The following KLF17 variants were observed in gnomAD, a reference collection of about 807,000 sequenced individuals.
KLF17 encodes KLF transcription factor 17, also known as Krueppel-like factor 17.
In KLF17, 31 loss-of-function variants were observed where a neutral mutation model predicts 34.2. The observed-to-expected ratio is 0.91, with a 90% CI of 0.68 to 1.22. KLF17 has a LOEUF of 1.22. KLF17 is among the 50% of genes most tolerant of loss of function. KLF17 has a pLI of 0.00. For synonymous variants in KLF17, 179 were observed against 186.7 expected (o/e 0.96, Z 0.34); for missense variants, 478 against 505.2 (o/e 0.95, Z 0.52).
chr1:44,047,848 A>G, the KLF17 span: 4 of 152,146 alleles, frequency 2.6e-5, no homozygotes, highest in South Asian at 8.3e-4. Context: ...TTGGCATTAG[A>G]AGTAGGATTG....
At chr1:44,127,138 G>A (rs925474320) in intron 1 of KLF17, among the ~76,000 whole-genome samples, 3 of 150,498 alleles carry the variant, frequency 2.0e-5, no homozygotes, top group South Asian at 2.1e-4. Context: ...TGAACTCCTG[G>A]ACTCAAGAGA....
the KLF17 span, among the ~76,000 whole-genome samples, chr1:44,050,341 T>G: frequency 9.9e-5 from 15 of 152,240 alleles, no homozygotes; most frequent in African/African-American, 3.6e-4. Flanking sequence ...CAAAAGCACC[T>G]CTCCAAAAGA....
the KLF17 span, chr1:44,104,693 G>T: frequency 2.5e-6 from 1 of 402,396 alleles, no homozygotes; most frequent in Non-Finnish European, 4.6e-6. Context: ...GGGCCCACTC[G>T]TATAGGAGCG....
At chr1:44,119,283 C>T (rs1441947271) in intron 1 of KLF17, among the ~76,000 whole-genome samples, 1 of 151,744 alleles carries the variant, frequency 6.6e-6, no homozygotes, top group East Asian at 1.9e-4. Flanking sequence ...CAATGTTCGC[C>T]CAGCAGTAGA....
chr1:44,054,326 GC>G, the KLF17 span, among the ~76,000 whole-genome samples: 2 of 152,026 alleles, frequency 1.3e-5, no homozygotes, highest in East Asian at 3.9e-4. Flanking sequence ...CAAAAAGTTG[GC>G]CAAAAAATCA....
intron 1 of KLF17, among the ~76,000 whole-genome samples, chr1:44,121,303 C>T (rs111921444): frequency 0.01 from 1,590 of 152,072 alleles, 10 homozygotes; most frequent in Non-Finnish European, 0.014. Flanking sequence ...ATTTTAGTAG[C>T]GGGATTTTGC....
chr1:44,098,741 C>G, the KLF17 span, among the ~76,000 whole-genome samples: 8 of 151,624 alleles, frequency 5.3e-5, no homozygotes, highest in African/African-American at 2.4e-5. Flanking sequence ...TAGTAGAGAC[C>G]AGGTTTCACC....
the KLF17 span, chr1:44,103,270 C>T: frequency 2.9e-6 from 2 of 698,760 alleles, no homozygotes; most frequent in East Asian, 5.0e-5. Context: ...GGGGCAGCCG[C>T]AGGAGGGGCA....
At chr1:44,111,569 T>C in the KLF17 span, among the ~76,000 whole-genome samples, 1 of 151,966 alleles carries the variant, frequency 6.6e-6, no homozygotes, top group Non-Finnish European at 1.5e-5. Flanking sequence ...TGTATGCCTT[T>C]CAGTCAGCTT....
chr1:44,115,685 G>A (rs139210583), upstream of KLF17: 298 of 152,186 alleles, frequency 2.0e-3, 1 homozygote, highest in African/African-American at 6.8e-3. Flanking sequence ...TATAGCCTAA[G>A]TATTATTGCC....
At position 44,127,639 on chromosome 1, in the gene KLF17, CTTCTTTCTTTCT is replaced by C. The variant is rs34643385; in HGVS notation, c.82-1671_82-1660del. On this transcript the variant is annotated intron_variant, in intron 1 of 3. Transcript: ENST00000372299. Reference sequence around the variant, plus strand: ...CTTTTCTTTTCTTTTCTTTTCTTTCCTTCTTTCTTTCTTTCTTTCTTTCTTTCTTTCTTTCTT... The same window carrying C: ...CTTTTCTTTTCTTTTCTTTTCTTTCCTTCTTTCTTTCTTTCTTTCTTTCTT... 6.8e-3 allele frequency among the ~76,000 whole-genome samples: 522 copies of C among 77,306 alleles called. 7 individuals are homozygous for C. The highest frequency in any genetic ancestry group is 6.5e-3 in the Non-Finnish European group (250 of 38,258). The allele number at this position is 77,306 out of a possible 152,430, so 50.7% of individuals were successfully genotyped here.
In KLF17 at chr1:44,128,673, C is replaced by T. The variant is rs147357116; in HGVS notation, c.82-680C>T. Among the ~76,000 whole-genome samples, 455 of 152,248 alleles carry T rather than the reference C, an allele frequency of 3.0e-3. 2 individuals carry two copies. Among genetic ancestry groups the T allele is most frequent in the African/African-American group, 9.8e-3 (407 of 41,550 alleles). Reference sequence around the variant, plus strand: ...TTTCATCTCTGTGGCTTTCTGCACCCGTTCTGCTGGTTTGGGATGTTCTTT... The same window carrying T: ...TTTCATCTCTGTGGCTTTCTGCACCTGTTCTGCTGGTTTGGGATGTTCTTT... On this transcript the variant is annotated intron_variant, in intron 1 of 3. Transcript: ENST00000372299.
At chr1:44,057,669 CTCTT>C in the KLF17 span, among the ~76,000 whole-genome samples, 2 of 152,246 alleles carry the variant, frequency 1.3e-5, no homozygotes, top group Non-Finnish European at 2.9e-5. Context: ...AAACAACAAA[CTCTT>C]TCTCCCTGAG....
At chr1:44,078,080 G>C in the KLF17 span, among the ~76,000 whole-genome samples, 1 of 152,126 alleles carries the variant, frequency 6.6e-6, no homozygotes, top group African/African-American at 2.4e-5. Flanking sequence ...GATGACTTTT[G>C]TTGAACAGAA....
the KLF17 span, among the ~76,000 whole-genome samples, chr1:44,079,372 G>T: frequency 3.3e-5 from 5 of 150,106 alleles, no homozygotes; most frequent in Non-Finnish European, 5.9e-5. Flanking sequence ...GCAAATCACA[G>T]TTCAGCCTCG....
chr1:44,131,166 A>G (rs1489993307), intron 3 of KLF17, among the ~76,000 whole-genome samples: 1 of 152,120 alleles, frequency 6.6e-6, no homozygotes, highest in Non-Finnish European at 1.5e-5. Flanking sequence ...GTAGGATTAG[A>G]TGAAGACAGG....
chr1:44,060,246 G>C, the KLF17 span, among the ~76,000 whole-genome samples: 1 of 152,132 alleles, frequency 6.6e-6, no homozygotes, highest in Non-Finnish European at 1.5e-5. Flanking sequence ...AAGCCAGGGG[G>C]ATCACTTGAG....
At chr1:44,074,533 G>C in the KLF17 span, among the ~76,000 whole-genome samples, 2 of 152,214 alleles carry the variant, frequency 1.3e-5, no homozygotes, top group African/African-American at 2.4e-5. Context: ...TGCACTGTGT[G>C]TCTAGAAGCT....
chr1:44,054,079 A>G, the KLF17 span, among the ~76,000 whole-genome samples: 1 of 152,242 alleles, frequency 6.6e-6, no homozygotes, highest in Non-Finnish European at 1.5e-5. Flanking sequence ...CAGGACAAAG[A>G]TGAAAACCCT....
Sources: gnomAD v4.1 joint callset for allele counts (sites outside exome capture counted in the v4.1 genomes callset) on GRCh38, gnomAD v4.1.1 for gene constraint, MANE v1.5 for transcripts, NCBI Gene and HGNC (gene_info 2026-07-23, HGNC 2026-07-21) for gene names.